The following CD58 variants were observed in gnomAD, a reference collection of about 807,000 sequenced individuals.
The protein encoded by CD58 is lymphocyte function-associated antigen 3.
CD58 carries 14 observed loss-of-function variants against 27.6 expected under a neutral mutation model. The ratio of observed to expected loss-of-function variants is 0.51; its 90% CI spans 0.34 to 0.79. The LOEUF is 0.79. Among genes scored for constraint, CD58 ranks in the 30% least tolerant of loss-of-function variants. CD58 has a pLI of 0.02. For synonymous variants in CD58, 117 were observed against 103.8 expected (o/e 1.13, Z -0.77); for missense variants, 268 against 301.7 (o/e 0.89, Z 0.83).
intron 1 of CD58, among the ~76,000 whole-genome samples, chr1:116,566,146 T>C (rs927338724): frequency 2.8e-4 from 42 of 152,244 alleles, no homozygotes; most frequent in Admixed American, 2.7e-3. Context: ...ATTGCTAAGT[T>C]GGAGACTGTA....
chr1:116,535,307 T>C (rs144548494), intron 3 of CD58, among the ~76,000 whole-genome samples: 58 of 152,342 alleles, frequency 3.8e-4, no homozygotes, highest in African/African-American at 1.3e-3. Context: ...TAGAGCCAGA[T>C]AGCCTCTACT....
rs1271563811 is a variant in CD58 at position 116,527,437 on chromosome 1, T to C, written c.629-5454A>G. ...TTTTCTGTATCTATTGGTATGATCA[T>C]GTGATTTTTCTTTCATAGTCTGTCA... On this transcript the variant is annotated intron_variant, in intron 3 of 5. Coordinates refer to ENST00000369489, the MANE Select transcript of CD58 (RefSeq NM_001779.3). The surrounding 1 kb of genome is among the most constrained non-coding windows in gnomAD (Gnocchi z 4.4). Among the ~76,000 whole-genome samples, 2 of 152,250 alleles carry C rather than the reference T, an allele frequency of 1.3e-5. No homozygotes were observed. Among genetic ancestry groups the C allele is most frequent in the Non-Finnish European group, 2.9e-5 (2 of 68,046 alleles).
Position 116,544,522 on chromosome 1 carries a change from T to G in CD58, c.153A>C (p.Leu51Phe). Residue 51 changes from leucine (L) to phenylalanine (F), a missense_variant, in exon 2 of 6, where the codon TTA (leucine) becomes TTC (phenylalanine). Physicochemically the swap from Leu to Phe is conservative, Grantham distance 22. Transcript: ENST00000369489. ...TTTGTTTTTTCCATAGGACCTCTTT[T>G]AAAGGCACATTGCTTGGTACATGGA... ...VTFHVPSNVP[L>F]KEVLWKKQKD... The G allele has an allele frequency of 6.2e-7, 1 of 1,613,674 alleles. No individual in the cohort carries two copies. Among genetic ancestry groups the G allele is most frequent in the Non-Finnish European group, 8.5e-7 (1 of 1,179,574 alleles).
chr1:116,544,798 A>G (rs190179436), intron 1 of CD58, among the ~76,000 whole-genome samples, 194 bp from the exon 2 acceptor site: 121 of 152,328 alleles, frequency 7.9e-4, no homozygotes, highest in East Asian at 3.9e-4. Context: ...TGGACCCGAC[A>G]TTCATGGAGC....
chr1:116,557,174 G>A lies in CD58; in HGVS notation c.71-12570C>T, dbSNP rs1168943797. 1.3e-5 allele frequency among the ~76,000 whole-genome samples: 2 copies of A among 152,166 alleles called. No homozygotes were observed. The highest frequency in any genetic ancestry group is 2.9e-5 in the Non-Finnish European group (2 of 68,032). On this transcript the variant is annotated intron_variant, in intron 1 of 5. Transcript: ENST00000369489. The surrounding 1 kb of genome is among the most constrained non-coding windows in gnomAD (Gnocchi z 5.2). ...ACTTAAATGTAGTTCAAAAGATAAG[G>A]CTTCCTGACAGAATAGCAAAATTTG...
intron 2 of CD58, among the ~76,000 whole-genome samples, chr1:116,537,946 G>A (rs1334724856): frequency 2.0e-5 from 3 of 152,198 alleles, no homozygotes; most frequent in African/African-American, 4.8e-5. Context: ...CATTTAAAAT[G>A]ATGTTTTCTA....
At position 116,527,813 on chromosome 1, in the gene CD58, T is replaced by C. The variant is rs920142696; in HGVS notation, c.629-5830A>G. Among the ~76,000 whole-genome samples, 9 of 152,172 alleles carry C rather than the reference T, an allele frequency of 5.9e-5. No individual in the cohort carries two copies. The highest frequency in any genetic ancestry group is 2.2e-4 in the African/African-American group (9 of 41,420). Reference sequence around the variant, plus strand: ...CCCATCTGAACCTGGTGCTTTCTGTTTTGGAAGATTATTAATTACTGATCT... The same window carrying C: ...CCCATCTGAACCTGGTGCTTTCTGTCTTGGAAGATTATTAATTACTGATCT... On this transcript the variant is annotated intron_variant, in intron 3 of 5. Coordinates refer to ENST00000369489, the MANE Select transcript of CD58 (RefSeq NM_001779.3). This position sits in a 1 kb window ranked among gnomAD's most constrained non-coding sequence, Gnocchi z 4.4.
chr1:116,541,601 T>C lies in CD58; in HGVS notation c.364+2710A>G, dbSNP rs1657990180. On this transcript the variant is annotated intron_variant, in intron 2 of 5. Transcript: ENST00000369489. The surrounding 1 kb of genome is among the most constrained non-coding windows in gnomAD (Gnocchi z 5.3). ...ACATCCCGGTTTCAGACTGACCAGCTGAAAGGATGGGGCTGCCATTAACCA... is the reference window on the plus strand; with the variant it reads ...ACATCCCGGTTTCAGACTGACCAGCCGAAAGGATGGGGCTGCCATTAACCA... Among the ~76,000 whole-genome samples the C allele has an allele frequency of 6.6e-6, 1 of 152,106 alleles. No individual in the cohort carries two copies. The highest frequency in any genetic ancestry group is 6.5e-5 in the Admixed American group (1 of 15,284).
intron 1 of CD58, among the ~76,000 whole-genome samples, chr1:116,548,420 T>G (rs1312298066): frequency 6.6e-6 from 1 of 152,242 alleles, no homozygotes; most frequent in African/African-American, 2.4e-5. Flanking sequence ...CTAGAATTTT[T>G]ATGGCTTCAG....
intron 1 of CD58, among the ~76,000 whole-genome samples, chr1:116,554,680 T>A (rs1259284584): frequency 6.6e-6 from 1 of 152,146 alleles, no homozygotes; most frequent in Non-Finnish European, 1.5e-5. Context: ...GTGGTGATGG[T>A]GAGATTTCAA....
At position 116,563,141 on chromosome 1, in the gene CD58, T is replaced by G. The variant is rs1282855480; in HGVS notation, c.70+7762A>C. Among the ~76,000 whole-genome samples the G allele has an allele frequency of 2.0e-5, 3 of 152,216 alleles. No homozygotes were observed. Among genetic ancestry groups the G allele is most frequent in the Non-Finnish European group, 4.4e-5 (3 of 68,046 alleles). On this transcript the variant is annotated intron_variant, in intron 1 of 5. Transcript: ENST00000369489. This position sits in a 1 kb window ranked among gnomAD's most constrained non-coding sequence, Gnocchi z 4.1. ...CAAAACAAAAGGGCTACAGGCCCCATGCAAGTCCTAAATCCAATAGGGCAG... is the reference window on the plus strand; with the variant it reads ...CAAAACAAAAGGGCTACAGGCCCCAGGCAAGTCCTAAATCCAATAGGGCAG...
At chr1:116,518,220 G>C (rs1657148792) in intron 5 of CD58, among the ~76,000 whole-genome samples, 1 of 152,048 alleles carries the variant, frequency 6.6e-6, no homozygotes, top group Non-Finnish European at 1.5e-5. Context: ...TTTGGCATCA[G>C]AGCCTACACT....
chr1:116,516,166 C>A lies in CD58; in HGVS notation c.744-1344G>T, dbSNP rs1657080213. ...ACCTCAGCCTCCCAAGTAGCTGAGA[C>A]TACAGGTGTGTGCTACCATACCCAG... On this transcript the variant is annotated intron_variant, in intron 5 of 5. Transcript: ENST00000369489. The surrounding 1 kb of genome is among the most constrained non-coding windows in gnomAD (Gnocchi z 6.1). 6.6e-6 allele frequency among the ~76,000 whole-genome samples: 1 copy of A among 152,148 alleles called. No homozygotes were observed. Among genetic ancestry groups the A allele is most frequent in the South Asian group, 2.1e-4 (1 of 4,834 alleles).
At position 116,555,577 on chromosome 1, in the gene CD58, A is replaced by T. The variant is rs1658534568; in HGVS notation, c.71-10973T>A. Among the ~76,000 whole-genome samples, 3 of 152,262 alleles carry T rather than the reference A, an allele frequency of 2.0e-5. No individual in the cohort carries two copies. In the South Asian group the frequency reaches 6.2e-4, roughly 31 times the overall value. On this transcript the variant is annotated intron_variant, in intron 1 of 5. Coordinates refer to ENST00000369489, the MANE Select transcript of CD58 (RefSeq NM_001779.3). ...GAAGAATTTTGAATTTTTTTTAAAT[A>T]AAGATATGAGGGTACCTAATACCTA... is the stretch of plus-strand genomic sequence containing the variant.
At position 116,532,626 on chromosome 1, in the gene CD58, C is replaced by T. The variant is rs188265838; in HGVS notation, c.628+3339G>A. 6.6e-6 allele frequency among the ~76,000 whole-genome samples: 1 copy of T among 152,346 alleles called. No homozygotes were observed. Among genetic ancestry groups the T allele is most frequent in the Non-Finnish European group, 1.5e-5 (1 of 68,042 alleles). On this transcript the variant is annotated intron_variant, in intron 3 of 5. Coordinates refer to ENST00000369489, the MANE Select transcript of CD58 (RefSeq NM_001779.3). The surrounding 1 kb of genome is among the most constrained non-coding windows in gnomAD (Gnocchi z 5.1). The stretch of plus-strand genomic sequence containing the variant: ...CAAGTGATCCCCACCCCATCCCACC[C>T]CACCCCAATGGGGTCTATGGGGCCC...
rs777232359 is a variant in CD58 at position 116,536,188 on chromosome 1, A to C, written c.405T>G (p.Asn135Lys). 6.2e-7 allele frequency: 1 copy of C among 1,612,692 alleles called. No homozygotes were observed. The highest frequency in any genetic ancestry group is 1.3e-5 in the African/African-American group (1 of 74,996). Residue 135 changes from asparagine to lysine, a missense_variant, in exon 3 of 6, where the codon AAT becomes AAG. Coordinates refer to ENST00000369489, the MANE Select transcript of CD58 (RefSeq NM_001779.3). This position sits in a 1 kb window ranked among gnomAD's most constrained non-coding sequence, Gnocchi z 5.4. ...PSPTLTCALT[N>K]GSIEVQCMIP... Reference sequence around the variant, plus strand: ...TCATGCATTGGACTTCAATGCTTCCATTAGTCAATGCACAAGTTAGTGTGG... The same window carrying C: ...TCATGCATTGGACTTCAATGCTTCCCTTAGTCAATGCACAAGTTAGTGTGG...
At chr1:116,545,217 A>C in intron 1 of CD58, among the ~76,000 whole-genome samples, 1 of 152,230 alleles carries the variant, frequency 6.6e-6, no homozygotes, top group East Asian at 1.9e-4. Flanking sequence ...GCCAGCCCAC[A>C]GCCTATGTGT....
At chr1:116,537,723 C>T (rs1381072954) in intron 2 of CD58, among the ~76,000 whole-genome samples, 2 of 152,196 alleles carry the variant, frequency 1.3e-5, no homozygotes, top group East Asian at 3.8e-4. Flanking sequence ...TCCTATGAGT[C>T]ATTTATTTGT....
In CD58 at chr1:116,522,193, A is replaced by C. The variant is rs1483086041; in HGVS notation, c.629-210T>G. 6.6e-6 allele frequency among the ~76,000 whole-genome samples: 1 copy of C among 152,224 alleles called. No individual in the cohort carries two copies. The highest frequency in any genetic ancestry group is 1.5e-5 in the Non-Finnish European group (1 of 68,034). ...GCAGATTCCCAGCAGAGGTGGAAAA[A>C]GGTAAAGCTCTGCCTTCTTGTTTCA... On this transcript the variant is annotated intron_variant, in intron 3 of 5. Coordinates refer to ENST00000369489, the MANE Select transcript of CD58 (RefSeq NM_001779.3). The surrounding 1 kb of genome is among the most constrained non-coding windows in gnomAD (Gnocchi z 4.6).
Sources: allele counts gnomAD v4.1 joint callset (sites outside exome capture counted in the v4.1 genomes callset), GRCh38; gene constraint gnomAD v4.1.1; non-coding constraint Gnocchi (gnomAD v3.1); transcripts MANE v1.5; gene names NCBI Gene and HGNC (gene_info 2026-07-23, HGNC 2026-07-21).